Variants in EIF2D observed in about 807,000 individuals in gnomAD.
EIF2D encodes the protein eukaryotic translation initiation factor 2D, also known as hepatocellular carcinoma-associated antigen 56.
A neutral mutation model predicts 77.4 loss-of-function variants in EIF2D; 56 were observed. The observed-to-expected ratio is 0.72, with a 90% CI of 0.58 to 0.90. The LOEUF (loss-of-function observed/expected upper bound fraction) is 0.90. EIF2D is among the 40% of genes least tolerant of loss of function. The probability of loss-of-function intolerance (pLI) is 0.00; values close to 1 mark genes in which losing one functional copy is unlikely to be tolerated. For missense variants in EIF2D, 574 were observed against 706.5 expected (o/e 0.81, Z 2.13); for synonymous variants, 230 against 271.0 (o/e 0.85, Z 1.49).
At position 206,612,465 on chromosome 1, in the gene EIF2D, G is replaced by C. The variant is rs3813971; in HGVS notation, c.-123C>G. 2.3e-6 allele frequency: 3 copies of C among 1,304,068 alleles called. No individual in the cohort carries two copies. Among genetic ancestry groups the C allele is most frequent in the Non-Finnish European group, 3.3e-6 (3 of 918,922 alleles). 80.8% of individuals were successfully genotyped at this position (1,304,068 alleles called of 1,614,324 possible). Reference sequence around the variant, plus strand: ...CATGCTGGGGCCCGGCCGCGAAAAGGGCCCGGCTGGAAACCAGGGCCGCGC... The same window carrying C: ...CATGCTGGGGCCCGGCCGCGAAAAGCGCCCGGCTGGAAACCAGGGCCGCGC... On this transcript the variant is annotated 5_prime_UTR_variant, in exon 1 of 15. Coordinates refer to ENST00000271764, the MANE Select transcript of EIF2D (RefSeq NM_006893.3).
intron 2 of EIF2D, among the ~76,000 whole-genome samples, chr1:206,610,608 CAGG>C (rs1232286360): frequency 2.6e-5 from 4 of 152,242 alleles, no homozygotes; most frequent in African/African-American, 9.6e-5. Context: ...ATCATGAGGT[CAGG>C]AGATCAAGAT....
At chr1:206,580,395 C>T (rs868992401) in intron 4 of EIF2D, among the ~76,000 whole-genome samples, 4 of 152,154 alleles carry the variant, frequency 2.6e-5, no homozygotes, top group South Asian at 4.1e-4. Flanking sequence ...GCTATTACCT[C>T]CTGAGGAGCA....
At chr1:206,594,002 T>C (rs1486737599) in intron 13 of EIF2D, 1 of 427,828 alleles carries the variant, frequency 2.3e-6, no homozygotes, top group South Asian at 5.3e-5. Context: ...GTATTACATA[T>C]TTAGAGGGAC....
Position 206,611,170 on chromosome 1 carries a change from T to A in EIF2D, c.247+14A>T. On this transcript the variant is annotated intron_variant, in intron 2 of 14. Coordinates refer to ENST00000271764, the MANE Select transcript of EIF2D (RefSeq NM_006893.3). ...TACCTAATGGTAATGGCCATCTTCG[T>A]CCTGTTGTCATACCTGTTGGATACA... 6.2e-7 allele frequency: 1 copy of A among 1,603,872 alleles called. No individual in the cohort carries two copies. The highest frequency in any genetic ancestry group is 8.5e-7 in the Non-Finnish European group (1 of 1,172,480).
chr1:206,583,685 T>G, intron 2 of EIF2D: 2 of 340,566 alleles, frequency 5.9e-6, no homozygotes, highest in Non-Finnish European at 1.1e-5. Flanking sequence ...GGGCCCAGTA[T>G]TGCTTGGCCT....
downstream of EIF2D, among the ~76,000 whole-genome samples, chr1:206,590,258 A>G (rs1336943134): frequency 6.6e-6 from 1 of 152,194 alleles, no homozygotes; most frequent in African/African-American, 2.4e-5. Context: ...TCATGGCAGA[A>G]TTGTGGGTCA....
chr1:206,602,584 C>A (rs187446229), intron 6 of EIF2D, 131 bp from the exon 7 acceptor site: 4 of 792,256 alleles, frequency 5.0e-6, no homozygotes, highest in Non-Finnish European at 8.4e-6. Context: ...GGTACCAAAG[C>A]TCCCAGCCTC....
chr1:206,595,646 A>G (rs1275845335), intron 13 of EIF2D, 72 bp downstream of exon 13: 1 of 1,536,494 alleles, frequency 6.5e-7, no homozygotes, highest in East Asian at 2.3e-5. Context: ...ACCTCCAATC[A>G]CATTAGGGAG....
chr1:206,586,968 A>G (rs1669143012), downstream of EIF2D: 1 of 1,614,104 alleles, frequency 6.2e-7, no homozygotes. Flanking sequence ...TCCCAGGGCA[A>G]ACCTGGGTAA....
chr1:206,590,769 T>C (rs1669317294), downstream of EIF2D, among the ~76,000 whole-genome samples: 1 of 152,198 alleles, frequency 6.6e-6, no homozygotes, highest in African/African-American at 2.4e-5. Context: ...CTTTCTTATC[T>C]CAGTTTGAGA....
chr1:206,580,334 C>T (rs1471804063), intron 4 of EIF2D, among the ~76,000 whole-genome samples: 2 of 152,174 alleles, frequency 1.3e-5, no homozygotes, highest in Non-Finnish European at 2.9e-5. Context: ...CTTTCCGAAG[C>T]TTCTAGAATT....
chr1:206,611,377 G>A lies in EIF2D; in HGVS notation c.57-3C>T. 6.2e-7 allele frequency: 1 copy of A among 1,612,324 alleles called. No homozygotes were observed. Among genetic ancestry groups the A allele is most frequent in the East Asian group, 2.2e-5 (1 of 44,828 alleles). ...TCACATCAGCTCGAAGCTTTCTCCT[G>A]TGGAAAGCACACCAGCACTGTGAAT... is the stretch of plus-strand genomic sequence containing the variant. On this transcript the variant is annotated splice_polypyrimidine_tract_variant and splice_region_variant and intron_variant, in intron 1 of 14. Coordinates refer to ENST00000271764, the MANE Select transcript of EIF2D (RefSeq NM_006893.3).
chr1:206,602,591 C>A, intron 6 of EIF2D, 138 bp from the exon 7 acceptor site: 1 of 774,920 alleles, frequency 1.3e-6, no homozygotes, highest in Non-Finnish European at 2.2e-6. Flanking sequence ...AAGCTCCCAG[C>A]CTCTCTTGAG....
At position 206,600,407 on chromosome 1, in the gene EIF2D, C is replaced by G. The variant is rs557109699; in HGVS notation, c.903-99G>C. ...GCCTTTTTCCTCAGCCTTCCTCCCC[C>G]ACCTTCAGAGAGAGGCCACTGTGCC... On this transcript the variant is annotated intron_variant, in intron 7 of 14. Transcript: ENST00000271764. 124 of 1,128,278 alleles carry G rather than the reference C, an allele frequency of 1.1e-4. 1 individual carries two copies. The African/African-American group carries it at 1.7e-3, about 15-fold the overall frequency. The allele number at this position is 1,128,278 out of a possible 1,614,324, so 69.9% of individuals were successfully genotyped here.
At position 206,591,835 on chromosome 1, in the gene EIF2D, C is replaced by A. The variant is rs781908586; in HGVS notation, c.1695G>T (p.Gln565His). ...HLGWLLLEEY[Q>H]LPRKHIQGLE... ...GACCTTGGATGTGTTTTCGAGGGAG[C>A]TGATACTCTTCTACAATCCAAAAAG... The change falls in exon 15 of 15, where the codon CAG becomes CAT. Residue 565 changes from glutamine to histidine, a missense_variant. Gln to His is a conservative substitution (Grantham distance 24). Coordinates refer to ENST00000271764, the MANE Select transcript of EIF2D (RefSeq NM_006893.3). The A allele has an allele frequency of 6.2e-7, 1 of 1,614,118 alleles. No homozygotes were observed. The highest frequency in any genetic ancestry group is 1.1e-5 in the South Asian group (1 of 91,082).
intron 6 of EIF2D, 148 bp from the exon 7 acceptor site, chr1:206,602,601 G>T (rs1289788379): frequency 2.8e-6 from 2 of 718,168 alleles, no homozygotes; most frequent in African/African-American, 3.5e-5. Flanking sequence ...CCTCTCTTGA[G>T]CACTGAGCCT....
chr1:206,595,807 C>T lies in EIF2D; in HGVS notation c.1420G>A (p.Val474Met). The change falls in exon 13 of 15, where the codon GTG (valine) becomes ATG (methionine). Residue 474 changes from valine (V) to methionine (M), a missense_variant. Coordinates refer to ENST00000271764, the MANE Select transcript of EIF2D (RefSeq NM_006893.3). The stretch of plus-strand genomic sequence containing the variant: ...ATGGGCTCTTGTCCGGGAAGGGTCA[C>T]TTGATAGGCAGGCTGTAATTTTTCC... The part of the protein sequence containing the change: ...CLEKLQPAYQ[V>M]TLPGQEPIVK... 1.2e-6 allele frequency: 2 copies of T among 1,614,174 alleles called. No homozygotes were observed. The highest frequency in any genetic ancestry group is 8.5e-7 in the Non-Finnish European group (1 of 1,179,994).
At chr1:206,594,395 G>A (rs1365158324) in intron 13 of EIF2D, 2 of 152,162 alleles carry the variant, frequency 1.3e-5, no homozygotes, top group Non-Finnish European at 2.9e-5. Flanking sequence ...CTTCACAAAT[G>A]ACAAGTATGT....
chr1:206,610,591 C>T (rs78411795), intron 2 of EIF2D, among the ~76,000 whole-genome samples: 1 of 152,000 alleles, frequency 6.6e-6, no homozygotes, highest in African/African-American at 2.4e-5. Context: ...GAGGCCGAGG[C>T]GGGCGGATCA....
Sources: allele counts gnomAD v4.1 joint callset (sites outside exome capture counted in the v4.1 genomes callset), GRCh38; gene constraint gnomAD v4.1.1; transcripts MANE v1.5; gene names NCBI Gene and HGNC (gene_info 2026-07-23, HGNC 2026-07-21).